The following ADARB2 variants were observed in gnomAD, a reference collection of about 807,000 sequenced individuals.
ADARB2 encodes the protein adenosine deaminase RNA specific B2 (inactive), also known as inactive double-stranded RNA-specific editase B2.
In ADARB2, 25 loss-of-function variants were observed where a neutral mutation model predicts 62.2. The ratio of observed to expected loss-of-function variants is 0.40; its 90% confidence interval spans 0.29 to 0.56. The LOEUF is 0.56. Ranked by LOEUF, ADARB2 falls within the 20% of genes least tolerant of loss-of-function variation. The probability of loss-of-function intolerance (pLI) is 0.43; values close to 1 mark genes in which losing one functional copy is unlikely to be tolerated. For missense variants in ADARB2, 1,071 were observed against 1,077.4 expected (o/e 0.99, Z 0.08); for synonymous variants, 572 against 500.8 (o/e 1.14, Z -1.90).
At chr10:1,487,473 C>T (rs541643783) in intron 1 of ADARB2, among the ~76,000 whole-genome samples, 1 of 152,280 alleles carries the variant, frequency 6.6e-6, no homozygotes, top group African/African-American at 2.4e-5. Context: ...TGAGTGGAGA[C>T]CCTGTGGGCT....
At position 1,184,646 on chromosome 10, in the gene ADARB2, G is replaced by T. The variant is rs570567146; in HGVS notation, c.2043+215C>A. Among the ~76,000 whole-genome samples, 16 of 152,362 alleles carry T rather than the reference G, an allele frequency of 1.1e-4. No individual in the cohort carries two copies. The East Asian group carries it at 2.9e-3, about 28-fold the overall frequency. ...CTCCTTTCCTGCTTCTGCAGCTCCA[G>T]CCTGGTCTGGGGGCGGTGCCTGGGG... On this transcript the variant is annotated intron_variant, in intron 9 of 9. Transcript: ENST00000381312.
chr10:1,386,965 A>G (rs1832530636), intron 1 of ADARB2, among the ~76,000 whole-genome samples: 1 of 151,976 alleles, frequency 6.6e-6, no homozygotes, highest in Non-Finnish European at 1.5e-5. Context: ...ACAAAAAGAT[A>G]TATGGAAAAT....
chr10:1,466,903 C>T (rs370935978), intron 1 of ADARB2, among the ~76,000 whole-genome samples: 8 of 152,156 alleles, frequency 5.3e-5, no homozygotes, highest in East Asian at 1.9e-4. Flanking sequence ...CACAGCCCTG[C>T]GTGTTGACTT....
At chr10:1,466,950 G>A (rs888158518) in intron 1 of ADARB2, among the ~76,000 whole-genome samples, 1 of 152,132 alleles carries the variant, frequency 6.6e-6, no homozygotes, top group Admixed American at 6.5e-5. Flanking sequence ...AGGAAGGAAC[G>A]TGGTGAGTGG....
intron 7 of ADARB2, among the ~76,000 whole-genome samples, chr10:1,201,216 C>T (rs1836980674): frequency 6.6e-6 from 1 of 152,250 alleles, no homozygotes; most frequent in Non-Finnish European, 1.5e-5. Context: ...AAAAGGCAGC[C>T]ATCTGGCTGG....
chr10:1,400,451 T>C (rs78655488), intron 1 of ADARB2, among the ~76,000 whole-genome samples: 25,714 of 152,150 alleles, frequency 0.17, 2,952 homozygotes, highest in East Asian at 0.45. Flanking sequence ...CGGCAGCACA[T>C]GGAGATGGAT....
intron 3 of ADARB2, among the ~76,000 whole-genome samples, chr10:1,289,658 G>A (rs1406852553): frequency 6.6e-6 from 1 of 152,276 alleles, no homozygotes; most frequent in East Asian, 1.9e-4. Flanking sequence ...CTGGCTCCGT[G>A]GCCAGGACCC....
chr10:1,210,919 T>C (rs1837141924), intron 7 of ADARB2, among the ~76,000 whole-genome samples: 1 of 152,104 alleles, frequency 6.6e-6, no homozygotes, highest in Non-Finnish European at 1.5e-5. Flanking sequence ...CAGCCGGTGC[T>C]TGAAGGCTGC....
At chr10:1,248,205 G>A (rs1389898816) in intron 4 of ADARB2, among the ~76,000 whole-genome samples, 1 of 152,078 alleles carries the variant, frequency 6.6e-6, no homozygotes, top group Non-Finnish European at 1.5e-5. Flanking sequence ...GCAAAGGTGT[G>A]CGACGTGTCA....
chr10:1,587,822 G>A (rs776112281), intron 1 of ADARB2, among the ~76,000 whole-genome samples: 6 of 152,072 alleles, frequency 3.9e-5, no homozygotes, highest in South Asian at 2.1e-4. Flanking sequence ...CTATTCTCAC[G>A]GTAGTGAGCC....
intron 1 of ADARB2, among the ~76,000 whole-genome samples, chr10:1,479,688 C>A (rs557801507): frequency 2.3e-4 from 35 of 152,134 alleles, no homozygotes; most frequent in Non-Finnish European, 5.1e-4. Flanking sequence ...TGGTTTCCAC[C>A]AATAACACCA....
intron 2 of ADARB2, among the ~76,000 whole-genome samples, chr10:1,366,228 A>T (rs1455071105): frequency 3.3e-5 from 5 of 152,182 alleles, no homozygotes; most frequent in African/African-American, 1.2e-4. Flanking sequence ...TCTGAAGTCC[A>T]TTTAGCAAAA....
intron 3 of ADARB2, among the ~76,000 whole-genome samples, chr10:1,274,376 T>C (rs181050341): frequency 5.3e-5 from 8 of 152,368 alleles, no homozygotes; most frequent in African/African-American, 1.4e-4. Flanking sequence ...ATCTTTTGCT[T>C]CTAAAACAGC....
chr10:1,507,403 C>T (rs1040533057), intron 1 of ADARB2, among the ~76,000 whole-genome samples: 2 of 152,226 alleles, frequency 1.3e-5, no homozygotes, highest in Non-Finnish European at 2.9e-5. Flanking sequence ...CCCCCTTCAC[C>T]AGGCTGCATC....
chr10:1,351,422 A>G (rs1223640048), intron 3 of ADARB2, among the ~76,000 whole-genome samples: 1 of 149,606 alleles, frequency 6.7e-6, no homozygotes, highest in Non-Finnish European at 1.5e-5. Context: ...ACCTCTTAAA[A>G]CTCCCCAACT....
At chr10:1,444,281 A>ACATCCATC (rs200737452) in intron 1 of ADARB2, among the ~76,000 whole-genome samples, 64,284 of 116,706 alleles carry the variant, frequency 0.55, 17,305 homozygotes, top group Middle Eastern at 0.62. Flanking sequence ...CCATCTATCT[A>ACATCCATC]CATCCATCCA....
At chr10:1,475,434 C>T (rs1224341297) in intron 1 of ADARB2, among the ~76,000 whole-genome samples, 1 of 152,210 alleles carries the variant, frequency 6.6e-6, no homozygotes, top group Non-Finnish European at 1.5e-5. Flanking sequence ...CATTACCCAT[C>T]CCGGGCCCCA....
chr10:1,414,831 TAG>T (rs548196599), intron 1 of ADARB2, among the ~76,000 whole-genome samples: 148 of 152,272 alleles, frequency 9.7e-4, no homozygotes, highest in Middle Eastern at 3.4e-3. Flanking sequence ...GAAGGATGGA[TAG>T]AGAGACAGCT....
At chr10:1,351,275 G>C (rs887477956) in intron 3 of ADARB2, among the ~76,000 whole-genome samples, 8 of 152,038 alleles carry the variant, frequency 5.3e-5, no homozygotes, top group Non-Finnish European at 8.8e-5. Flanking sequence ...GCTGAGCTTC[G>C]GGTAACTCAC....
Sources: allele counts gnomAD v4.1 joint callset (sites outside exome capture counted in the v4.1 genomes callset), GRCh38; gene constraint gnomAD v4.1.1; transcripts MANE v1.5; gene names NCBI Gene and HGNC (gene_info 2026-07-23, HGNC 2026-07-21).